Variants in PRKG1 observed in about 807,000 individuals in gnomAD.
PRKG1 encodes the protein protein kinase cGMP-dependent 1.
A neutral mutation model predicts 88.1 loss-of-function variants in PRKG1; 35 were observed. The observed-to-expected ratio is 0.40, with a 90% CI of 0.30 to 0.53. PRKG1 has a LOEUF of 0.53. Ranked by LOEUF, PRKG1 falls within the 20% of genes least tolerant of loss-of-function variation. The probability of loss-of-function intolerance (pLI) is 0.59; values close to 1 mark genes in which losing one functional copy is unlikely to be tolerated. For missense variants in PRKG1, 540 were observed against 839.8 expected, an observed-to-expected ratio of 0.64 and a Z score of 4.41; for synonymous variants, 303 against 292.5, an observed-to-expected ratio of 1.04 and a Z score of -0.37.
intron 2 of PRKG1, among the ~76,000 whole-genome samples, chr10:51,372,793 A>AT (rs1351681133): frequency 2.6e-5 from 4 of 152,060 alleles, no homozygotes; most frequent in African/African-American, 9.7e-5. Flanking sequence ...TAATCACATG[A>AT]TTTTTCTGCT....
rs1193531807 is a variant in PRKG1 at position 51,126,111 on chromosome 10, TTA to T, written c.312-27048_312-27047del. 9.0e-5 allele frequency among the ~76,000 whole-genome samples: 7 copies of T among 77,658 alleles called. 1 individual carries two copies. The highest frequency in any genetic ancestry group is 1.6e-4 in the Non-Finnish European group (6 of 36,788). 50.9% of individuals were successfully genotyped at this position (77,658 alleles called of 152,430 possible). A position where few individuals can be genotyped will look rare whatever the true frequency, so the allele number is the denominator to read the frequency against. ...TTATATAATAATATACTATATATAATTATATAATTATATTTAATTTTATAATT... is the reference window on the plus strand; with the variant it reads ...TTATATAATAATATACTATATATAATTATAATTATATTTAATTTTATAATT... On this transcript the variant is annotated intron_variant, in intron 1 of 17. Transcript: ENST00000373980.
At chr10:51,069,578 C>G (rs1241608890), upstream of PRKG1, among the ~76,000 whole-genome samples, 1 of 151,964 alleles carries the variant, frequency 6.6e-6, no homozygotes, top group African/African-American at 2.4e-5. Flanking sequence ...AAAGACAGTT[C>G]CGGTTGTGCA....
In PRKG1 at chr10:51,354,202, A is replaced by C. The variant is rs1188475981; in HGVS notation, c.479-113521A>C. Among the ~76,000 whole-genome samples the C allele has an allele frequency of 3.3e-5, 5 of 151,378 alleles. No homozygotes were observed. The East Asian group carries it at 7.8e-4, about 24-fold the overall frequency. ...AGGTGGGGACGGTTAATGGGCACAAAAAAAAAAATTAGAAAGAATGAATGA... is the reference window on the plus strand; with the variant it reads ...AGGTGGGGACGGTTAATGGGCACAACAAAAAAAATTAGAAAGAATGAATGA... On this transcript the variant is annotated intron_variant, in intron 2 of 17. Transcript: ENST00000373980.
chr10:51,690,023 A>G (rs1192024098), intron 3 of PRKG1, among the ~76,000 whole-genome samples: 1 of 152,204 alleles, frequency 6.6e-6, no homozygotes, highest in African/African-American at 2.4e-5. Context: ...CAGGCTGTAC[A>G]GGAAGCATGA....
At chr10:52,088,328 T>C (rs1021042437) in intron 7 of PRKG1, among the ~76,000 whole-genome samples, 7 of 150,146 alleles carry the variant, frequency 4.7e-5, no homozygotes, top group Non-Finnish European at 1.0e-4. Context: ...AAACAGTATA[T>C]TATTTATGTT....
Position 52,173,648 on chromosome 10 carries a change from T to C in PRKG1, c.1076+11685T>C, listed in dbSNP as rs187351568. 3.1e-3 allele frequency among the ~76,000 whole-genome samples: 470 copies of C among 152,306 alleles called. 3 individuals carry two copies. Among genetic ancestry groups the C allele is most frequent in the African/African-American group, 0.011 (455 of 41,584 alleles). ...ACACCATTTTCCTCTAATGCATAAA[T>C]TGCAAGCATTAGTCAACTTTATAAA... On this transcript the variant is annotated intron_variant, in intron 9 of 17. Transcript: ENST00000373980.
At chr10:51,673,083 G>A (rs1042521836) in intron 3 of PRKG1, among the ~76,000 whole-genome samples, 1 of 152,142 alleles carries the variant, frequency 6.6e-6, no homozygotes, top group Non-Finnish European at 1.5e-5. Context: ...CCCAAGGTCA[G>A]TCCATGTTTA....
chr10:51,101,180 A>T (rs1416559314), intron 1 of PRKG1, among the ~76,000 whole-genome samples: 1 of 152,156 alleles, frequency 6.6e-6, no homozygotes, highest in African/African-American at 2.4e-5. Context: ...TAAGGAGATT[A>T]TTAAGGTTAA....
chr10:52,046,545 A>AT (rs1358820374), intron 5 of PRKG1, among the ~76,000 whole-genome samples: 1 of 152,174 alleles, frequency 6.6e-6, no homozygotes, highest in Non-Finnish European at 1.5e-5. Flanking sequence ...GTGTTTTGTT[A>AT]TTATTAACTC....
At chr10:51,670,429 A>C (rs1000779198) in intron 3 of PRKG1, among the ~76,000 whole-genome samples, 1 of 149,698 alleles carries the variant, frequency 6.7e-6, no homozygotes, top group Non-Finnish European at 1.5e-5. Context: ...TCTTCTCTTC[A>C]GTTAACATTT....
At chr10:52,260,068 C>T (rs923944606) in intron 10 of PRKG1, among the ~76,000 whole-genome samples, 3 of 151,906 alleles carry the variant, frequency 2.0e-5, no homozygotes, top group African/African-American at 4.8e-5. Flanking sequence ...CAATGGTTGG[C>T]AGGTTCTCCT....
At chr10:51,628,965 C>CAAAA (rs199634329) in intron 3 of PRKG1, among the ~76,000 whole-genome samples, 12,443 of 97,600 alleles carry the variant, frequency 0.13, 693 homozygotes, top group Admixed American at 0.14. Context: ...GACTCCGTCT[C>CAAAA]AAAAAAAAAA....
At chr10:51,739,326 T>A (rs7914289) in intron 3 of PRKG1, among the ~76,000 whole-genome samples, 1 of 151,946 alleles carries the variant, frequency 6.6e-6, no homozygotes, top group Non-Finnish European at 1.5e-5. Flanking sequence ...TAGCTATATT[T>A]CCCTCCTAAT....
intron 7 of PRKG1, among the ~76,000 whole-genome samples, chr10:52,118,310 A>C (rs1847736661): frequency 6.6e-6 from 1 of 151,922 alleles, no homozygotes; most frequent in Admixed American, 6.6e-5. Context: ...TATTATTATC[A>C]CCTTGCAGAA....
chr10:51,913,747 C>A (rs1289115905), intron 5 of PRKG1, among the ~76,000 whole-genome samples: 2 of 152,146 alleles, frequency 1.3e-5, no homozygotes, highest in African/African-American at 4.8e-5. Context: ...CTCTACTTAT[C>A]CCATATTTGA....
At chr10:51,620,633 T>C (rs1839181381) in intron 3 of PRKG1, among the ~76,000 whole-genome samples, 1 of 152,120 alleles carries the variant, frequency 6.6e-6, no homozygotes, top group Admixed American at 6.5e-5. Context: ...GACTTCAGTG[T>C]TAATATTCCT....
intron 4 of PRKG1, among the ~76,000 whole-genome samples, chr10:51,872,019 CTGCATTTTCATTT>C (rs1841171282): frequency 6.6e-6 from 1 of 152,142 alleles, no homozygotes; most frequent in Non-Finnish European, 1.5e-5. Context: ...ACAAAGAGCC[CTGCATTTTCATTT>C]TGCACTAAGC....
At chr10:51,232,233 C>T (rs891139902) in intron 2 of PRKG1, among the ~76,000 whole-genome samples, 6 of 152,304 alleles carry the variant, frequency 3.9e-5, no homozygotes, top group South Asian at 2.1e-4. Flanking sequence ...TGACAATGTA[C>T]TTCAGCTGAA....
intron 7 of PRKG1, among the ~76,000 whole-genome samples, chr10:52,114,620 ATTG>A (rs972751584): frequency 5.3e-5 from 8 of 151,814 alleles, no homozygotes; most frequent in African/African-American, 1.9e-4. Context: ...GTGCACAATA[ATTG>A]TTGGTTCTTC....
Sources: allele counts gnomAD v4.1 joint callset (sites outside exome capture counted in the v4.1 genomes callset), GRCh38; gene constraint gnomAD v4.1.1; transcripts MANE v1.5; gene names NCBI Gene and HGNC (gene_info 2026-07-23, HGNC 2026-07-21).